SLC16A11: variants seen among roughly 807,000 people sequenced by gnomAD.
The protein encoded by SLC16A11 is solute carrier family 16 member 11, also known as monocarboxylate transporter 11.
In SLC16A11, 24 loss-of-function variants were observed where a neutral mutation model predicts 26.0. The observed-to-expected ratio is 0.92, with a 90% CI of 0.67 to 1.30. The LOEUF is 1.30. SLC16A11 is among the 50% of genes most tolerant of loss of function. SLC16A11 has a pLI of 0.00. For missense variants in SLC16A11, 638 were observed against 597.7 expected, an observed-to-expected ratio of 1.07 and a Z score of -0.70; for synonymous variants, 332 against 296.0, an observed-to-expected ratio of 1.12 and a Z score of -1.25.
chr17:7,043,224 G>T, intron 2 of SLC16A11, 88 bp downstream of exon 2: 1 of 1,511,624 alleles, frequency 6.6e-7, no homozygotes, highest in South Asian at 1.3e-5. Flanking sequence ...CCCTTTCTCA[G>T]GTTGTCGGGT....
intron 1 of SLC16A11, 111 bp from the exon 2 acceptor site, chr17:7,043,630 A>G: frequency 6.7e-7 from 1 of 1,491,256 alleles, no homozygotes; most frequent in Admixed American, 2.3e-5. Context: ...TGGGCCCGTC[A>G]CTCCGAGCGC....
chr17:7,042,718 G>T lies in SLC16A11; in HGVS notation c.392C>A (p.Ser131Ter). The T allele has an allele frequency of 6.5e-7, 1 of 1,545,892 alleles. No homozygotes were observed. Among genetic ancestry groups the T allele is most frequent in the East Asian group, 2.4e-5 (1 of 42,298 alleles). Reference sequence around the variant, plus strand: ...GACTCGACGGCGGGAGAAGTAACGCGAGAGGGTGCCTAGGGCGGGGGCGAA... The same window carrying T: ...GACTCGACGGCGGGAGAAGTAACGCTAGAGGGTGCCTAGGGCGGGGGCGAA... ...LVFAPALGTL[S>*]RYFSRRRVLA... The change falls in exon 4 of 5, where the codon TCG (serine) becomes TAG (stop). Residue 131 changes from serine to a stop codon, truncating the protein, a stop_gained. Coordinates refer to ENST00000574600, the MANE Select transcript of SLC16A11 (RefSeq NM_001370549.1). LOFTEE classifies it high-confidence loss of function. The surrounding 1 kb of genome is among the most constrained non-coding windows in gnomAD (Gnocchi z 5.9).
Position 7,043,117 on chromosome 17 carries a change from C to T in SLC16A11, c.203-44G>A, listed in dbSNP as rs1446275101. On this transcript the variant is annotated intron_variant, in intron 2 of 4. Coordinates refer to ENST00000574600, the MANE Select transcript of SLC16A11 (RefSeq NM_001370549.1). Reference sequence around the variant, plus strand: ...AACGGAAGACACGCCCCCGGGCCCCCAAACTCTCTCCAACACTTCTCATTG... The same window carrying T: ...AACGGAAGACACGCCCCCGGGCCCCTAAACTCTCTCCAACACTTCTCATTG... 19 of 1,487,024 alleles carry T rather than the reference C, an allele frequency of 1.3e-5. No homozygotes were observed. In the East Asian group the frequency reaches 4.7e-4, roughly 37 times the overall value. The allele number at this position is 1,487,024 out of a possible 1,614,324, so 92.1% of individuals were successfully genotyped here.
rs758093249 is a variant in SLC16A11, at chr17:7,042,318, C to A, written c.792G>T (p.Met264Ile). The part of the protein sequence containing the change: ...GAALVVAVAA[M>I]GDAGARLVCG... ...AGACCAGCCGGGCGCCCGCATCCCCCATCGCAGCCACGGCCACCACCAGCG... is the reference window on the plus strand; with the variant it reads ...AGACCAGCCGGGCGCCCGCATCCCCAATCGCAGCCACGGCCACCACCAGCG... The change falls in exon 4 of 5, where the codon ATG becomes ATT. Residue 264 changes from methionine to isoleucine, a missense_variant. Met to Ile is a conservative substitution (Grantham distance 10). Transcript: ENST00000574600. The surrounding 1 kb of genome is among the most constrained non-coding windows in gnomAD (Gnocchi z 5.9). The A allele has an allele frequency of 1.9e-6, 3 of 1,546,960 alleles. No homozygotes were observed. Among genetic ancestry groups the A allele is most frequent in the Non-Finnish European group, 2.6e-6 (3 of 1,143,798 alleles).
rs763973785 is a variant in SLC16A11, at chr17:7,043,425, C to G, written c.89G>C (p.Gly30Ala). 2 of 1,602,800 alleles carry G rather than the reference C, an allele frequency of 1.2e-6. No homozygotes were observed. The highest frequency in any genetic ancestry group is 2.7e-5 in the African/African-American group (2 of 74,860). The change falls in exon 2 of 5, where the codon GGG becomes GCG. Residue 30 changes from glycine (G) to alanine (A), a missense_variant. By Grantham distance (60) the Gly-to-Ala change is moderately conservative (BLOSUM62 0). Transcript: ENST00000574600. ...AAFAINGLSYGLLRSLGLAFP... is the reference protein window; with the variant it reads ...AAFAINGLSYALLRSLGLAFP... ...GGCAAGGCCCAGCGAGCGCAGCAGC[C>G]CGTAGGACAGCCCGTTTATCGCGAA... is the stretch of plus-strand genomic sequence containing the variant.
Position 7,043,060 on chromosome 17 carries a change from G to C in SLC16A11, c.216C>G (p.Ser72Arg), listed in dbSNP as rs1410453517. The change falls in exon 3 of 5, where the codon AGC becomes AGG. Residue 72 changes from serine (S) to arginine (R), a missense_variant. Coordinates refer to ENST00000574600, the MANE Select transcript of SLC16A11 (RefSeq NM_001370549.1). The part of the protein sequence containing the change: ...AVQQAASPVG[S>R]ALSTRWGARP... ...GGGCCCCCCAGCGCGTGCTCAGGGC[G>C]CTGCCCACGGGGCCTGAAAGGGGGC... 1 of 1,553,206 alleles carries C rather than the reference G, an allele frequency of 6.4e-7. No individual in the cohort carries two copies. Among genetic ancestry groups the C allele is most frequent in the Admixed American group, 2.0e-5 (1 of 50,612 alleles).
intron 2 of SLC16A11, 75 bp downstream of exon 2, chr17:7,043,237 T>G: frequency 6.6e-7 from 1 of 1,525,820 alleles, no homozygotes; most frequent in Non-Finnish European, 8.8e-7. Flanking sequence ...TGTCGGGTAA[T>G]CAGGTGGGTC....
chr17:7,043,160 AACTAATGGTTCTTCTCCTTG>A, intron 2 of SLC16A11, 87 bp from the exon 3 acceptor site: 1 of 1,459,360 alleles, frequency 6.9e-7, no homozygotes, highest in South Asian at 1.4e-5. Flanking sequence ...GCCTCCCTCG[AACTAATGGTTCTTCTCCTTG>A]ACCTCAAGAT....
In SLC16A11 at chr17:7,042,793, G is replaced by T; in HGVS notation, c.347-30C>A. 1 of 1,543,436 alleles carries T rather than the reference G, an allele frequency of 6.5e-7. No homozygotes were observed. Among genetic ancestry groups the T allele is most frequent in the Non-Finnish European group, 8.7e-7 (1 of 1,146,240 alleles). On this transcript the variant is annotated intron_variant, in intron 3 of 4. Transcript: ENST00000574600. This position sits in a 1 kb window ranked among gnomAD's most constrained non-coding sequence, Gnocchi z 5.9. The stretch of plus-strand genomic sequence containing the variant: ...GAATGAATAGGAGGGGATGGGGGCC[G>T]GCACTGGGGACGCCCGCCCCAGCAT...
rs1455067607 is a variant in SLC16A11, at chr17:7,043,325, C to T, written c.189G>A (p.Val63=). ...TAWISALALA[V]QQAASPVGSA... ...GGCCCCCCTCACTGGCTGCCTGCTG[C>T]ACGGCCAGGGCCAGGGCGCTGATCC... is the stretch of plus-strand genomic sequence containing the variant. Residue 63 remains valine, a synonymous_variant, in exon 2 of 5, where the codon GTG becomes GTA. Transcript: ENST00000574600. 10 of 1,605,956 alleles carry T rather than the reference C, an allele frequency of 6.2e-6. No homozygotes were observed. Among genetic ancestry groups the T allele is most frequent in the Non-Finnish European group, 8.5e-6 (10 of 1,177,426 alleles).
intron 4 of SLC16A11, 37 bp from the exon 5 acceptor site, chr17:7,041,945 C>T (rs764434692): frequency 1.6e-5 from 25 of 1,608,446 alleles, no homozygotes; most frequent in Non-Finnish European, 2.0e-5. Flanking sequence ...AAGCCTCGAA[C>T]CCCAGGGGCA....
At position 7,042,086 on chromosome 17, in the gene SLC16A11, C is replaced by T; in HGVS notation, c.1024G>A (p.Gly342Arg). ...YAPLVFGVLPGLVGVGGVVQA... is the reference protein window; with the variant it reads ...YAPLVFGVLPRLVGVGGVVQA... ...ACCACACCTCCGACGCCCACCAGCCCGGGGAGTACACCGAAAACCAGCGGG... is the reference window on the plus strand; with the variant it reads ...ACCACACCTCCGACGCCCACCAGCCTGGGGAGTACACCGAAAACCAGCGGG... Residue 342 changes from glycine to arginine, a missense_variant, in exon 4 of 5, where the codon GGG becomes AGG. By Grantham distance (125) the Gly-to-Arg change is moderately radical (BLOSUM62 -2). Coordinates refer to ENST00000574600, the MANE Select transcript of SLC16A11 (RefSeq NM_001370549.1). This position sits in a 1 kb window ranked among gnomAD's most constrained non-coding sequence, Gnocchi z 5.9. 1 of 1,607,538 alleles carries T rather than the reference C, an allele frequency of 6.2e-7. No individual in the cohort carries two copies. Among genetic ancestry groups the T allele is most frequent in the African/African-American group, 1.3e-5 (1 of 74,900 alleles).
chr17:7,041,997 T>A lies in SLC16A11; in HGVS notation c.1113A>T (p.Ser371=), dbSNP rs1160303415. 36 of 1,581,522 alleles carry A rather than the reference T, an allele frequency of 2.3e-5. No homozygotes were observed. The highest frequency in any genetic ancestry group is 3.1e-5 in the Non-Finnish European group (36 of 1,160,420). Residue 371 remains serine, a splice_region_variant and synonymous_variant, in exon 4 of 5, where the codon TCA becomes TCT. Transcript: ENST00000574600. ...AGATCTGTGAGCTCAGGTCCTTACCTGACAGGGGAGGGCCCAGGAGCCCCC... is the reference window on the plus strand; with the variant it reads ...AGATCTGTGAGCTCAGGTCCTTACCAGACAGGGGAGGGCCCAGGAGCCCCC... ...SLGGLLGPPL[S]GFLRDETGDF... is the part of the protein sequence containing the mutation.
Position 7,042,804 on chromosome 17 carries a change from CGCCCGCCCCA to C in SLC16A11, c.347-51_347-42del. 6.5e-7 allele frequency: 1 copy of C among 1,548,558 alleles called. No individual in the cohort carries two copies. The highest frequency in any genetic ancestry group is 1.4e-5 in the African/African-American group (1 of 73,640). ...AGGGGATGGGGGCCGGCACTGGGGA[CGCCCGCCCCA>C]GCATTCCCAGCCCGGCTCTCCGCAC... On this transcript the variant is annotated intron_variant, in intron 3 of 4. Coordinates refer to ENST00000574600, the MANE Select transcript of SLC16A11 (RefSeq NM_001370549.1). This position sits in a 1 kb window ranked among gnomAD's most constrained non-coding sequence, Gnocchi z 5.9.
In SLC16A11 at chr17:7,042,314, C is replaced by T. The variant is rs761590669; in HGVS notation, c.796G>A (p.Asp266Asn). The T allele has an allele frequency of 6.5e-7, 1 of 1,547,410 alleles. No homozygotes were observed. The highest frequency in any genetic ancestry group is 1.9e-5 in the Admixed American group (1 of 51,982). ...ALVVAVAAMG[D>N]AGARLVCGWL... Reference sequence around the variant, plus strand: ...CCGCAGACCAGCCGGGCGCCCGCATCCCCCATCGCAGCCACGGCCACCACC... The same window carrying T: ...CCGCAGACCAGCCGGGCGCCCGCATTCCCCATCGCAGCCACGGCCACCACC... Residue 266 changes from aspartate to asparagine, a missense_variant, in exon 4 of 5, where the codon GAT becomes AAT. By Grantham distance (23) the Asp-to-Asn change is conservative (BLOSUM62 1). Transcript: ENST00000574600. The surrounding 1 kb of genome is among the most constrained non-coding windows in gnomAD (Gnocchi z 5.9).
At position 7,042,865 on chromosome 17, in the gene SLC16A11, C is replaced by A; in HGVS notation, c.346+65G>T. 6.2e-7 allele frequency: 1 copy of A among 1,605,434 alleles called. No homozygotes were observed. The highest frequency in any genetic ancestry group is 1.1e-5 in the South Asian group (1 of 89,832). On this transcript the variant is annotated intron_variant, in intron 3 of 4. Coordinates refer to ENST00000574600, the MANE Select transcript of SLC16A11 (RefSeq NM_001370549.1). This position sits in a 1 kb window ranked among gnomAD's most constrained non-coding sequence, Gnocchi z 5.9. ...CAGGCCCCCGCCTCGTTCGCTACCC[C>A]AGATCCCAACAAGCTCCTGTCACCT...
Position 7,042,377 on chromosome 17 carries a change from C to T in SLC16A11, c.733G>A (p.Ala245Thr). The T allele has an allele frequency of 1.9e-6, 3 of 1,565,980 alleles. No homozygotes were observed. Among genetic ancestry groups the T allele is most frequent in the Non-Finnish European group, 2.6e-6 (3 of 1,154,586 alleles). Reference protein sequence around the residue: ...FVPYVHLAPHALDRGLGGYGA... With the variant: ...FVPYVHLAPHTLDRGLGGYGA... ...TATCCCCCCAGGCCCCGGTCTAAAG[C>T]GTGGGGAGCCAAGTGCACGTAAGGA... is the stretch of plus-strand genomic sequence containing the variant. Residue 245 changes from alanine (A) to threonine (T), a missense_variant, in exon 4 of 5, where the codon GCT becomes ACT. Physicochemically the swap from Ala to Thr is moderately conservative, Grantham distance 58. Transcript: ENST00000574600. The surrounding 1 kb of genome is among the most constrained non-coding windows in gnomAD (Gnocchi z 5.9).
rs1402165707 is a variant in SLC16A11 at position 7,042,262 on chromosome 17, G to A, written c.848C>T (p.Pro283Leu). ...CGWLADQGWV[P>L]LPRLLAVFGA... ...GAATACGGCCAGCAGCCGCGGGAGGGGCACCCAGCCTTGGTCTGCCAGCCA... is the reference window on the plus strand; with the variant it reads ...GAATACGGCCAGCAGCCGCGGGAGGAGCACCCAGCCTTGGTCTGCCAGCCA... Residue 283 changes from proline (P) to leucine (L), a missense_variant, in exon 4 of 5, where the codon CCC becomes CTC. Physicochemically the swap from Pro to Leu is moderately conservative, Grantham distance 98. Transcript: ENST00000574600. The surrounding 1 kb of genome is among the most constrained non-coding windows in gnomAD (Gnocchi z 5.9). 1 of 1,576,086 alleles carries A rather than the reference G, an allele frequency of 6.3e-7. No homozygotes were observed. The highest frequency in any genetic ancestry group is 8.6e-7 in the Non-Finnish European group (1 of 1,161,598).
At position 7,043,450 on chromosome 17, in the gene SLC16A11, A is replaced by G; in HGVS notation, c.64T>C (p.Phe22Leu). The G allele has an allele frequency of 1.3e-6, 2 of 1,598,210 alleles. No homozygotes were observed. The highest frequency in any genetic ancestry group is 1.7e-6 in the Non-Finnish European group (2 of 1,177,024). ...CCGTAGGACAGCCCGTTTATCGCGAAGGCTGCGGCCGCCACCACCCAGCCC... is the reference window on the plus strand; with the variant it reads ...CCGTAGGACAGCCCGTTTATCGCGAGGGCTGCGGCCGCCACCACCCAGCCC... ...GWGWVVAAAA[F>L]AINGLSYGLL... is the part of the protein sequence containing the mutation. The change falls in exon 2 of 5, where the codon TTC (phenylalanine) becomes CTC (leucine). Residue 22 changes from phenylalanine to leucine, a missense_variant. Physicochemically the swap from Phe to Leu is conservative, Grantham distance 22 (BLOSUM62 0). Coordinates refer to ENST00000574600, the MANE Select transcript of SLC16A11 (RefSeq NM_001370549.1).
Sources: gnomAD v4.1 joint callset for allele counts on GRCh38, gnomAD v4.1.1 for gene constraint, Gnocchi (gnomAD v3.1) non-coding constraint, MANE v1.5 for transcripts, NCBI Gene and HGNC (gene_info 2026-07-23, HGNC 2026-07-21) for gene names.